The following ZC3H12B variants were observed in gnomAD, a reference collection of about 807,000 sequenced individuals.
The protein encoded by ZC3H12B is probable ribonuclease ZC3H12B.
Under a neutral mutation model 43.9 loss-of-function variants are expected in ZC3H12B, and 7 were observed. The ratio of observed to expected loss-of-function variants is 0.16; its 90% CI spans 0.09 to 0.30. ZC3H12B has a LOEUF of 0.30. Ranked by LOEUF, ZC3H12B falls within the 10% of genes least tolerant of loss-of-function variation. ZC3H12B has a pLI of 1.00. For missense variants in ZC3H12B, 475 were observed against 670.2 expected, an observed-to-expected ratio of 0.71 and a Z score of 3.22; for synonymous variants, 222 against 241.7, an observed-to-expected ratio of 0.92 and a Z score of 0.76.
At chrX:65,197,829 C>A in the ZC3H12B span, among the ~76,000 whole-genome samples, 8 of 112,121 alleles carry the variant, frequency 7.1e-5, no homozygotes, top group African/African-American at 2.6e-4. Context: ...GGCTCTGATT[C>A]TGGTCTTGGG....
chrX:65,436,568 C>CTT (rs749056170), intron 3 of ZC3H12B, among the ~76,000 whole-genome samples: 1 of 112,019 alleles, frequency 8.9e-6, no homozygotes, highest in Non-Finnish European at 1.9e-5. Context: ...TCTTAGTATG[C>CTT]TTTTACACTG....
At chrX:65,059,074 C>A in the ZC3H12B span, among the ~76,000 whole-genome samples, 3 of 111,548 alleles carry the variant, frequency 2.7e-5, no homozygotes, top group Non-Finnish European at 3.8e-5. Flanking sequence ...GTGCACTGCA[C>A]CCACTGTCCT....
chrX:65,355,484 C>A, the ZC3H12B span, among the ~76,000 whole-genome samples: 1 of 110,744 alleles, frequency 9.0e-6, no homozygotes, highest in South Asian at 3.9e-4. Context: ...TAATAATTAC[C>A]AAAATTCTGA....
chrX:65,162,910 G>C, the ZC3H12B span, among the ~76,000 whole-genome samples: 3 of 111,688 alleles, frequency 2.7e-5, no homozygotes, highest in Non-Finnish European at 5.6e-5. Flanking sequence ...ATCTACTTTT[G>C]TTCTTTGATG....
chrX:65,504,920 C>T (rs1192290696), exon 5 of ZC3H12B: 1 of 112,351 alleles, frequency 8.9e-6, no homozygotes, highest in Non-Finnish European at 1.9e-5. Flanking sequence ...TAATAGCTGG[C>T]TCAGTTACTC....
the ZC3H12B span, among the ~76,000 whole-genome samples, chrX:65,100,520 G>C: frequency 6.7e-5 from 5 of 74,209 alleles, no homozygotes; most frequent in East Asian, 2.5e-3. Flanking sequence ...ACATACATAG[G>C]CTCAAAATAA....
chrX:65,197,581 G>A, the ZC3H12B span, among the ~76,000 whole-genome samples: 1 of 111,883 alleles, frequency 8.9e-6, no homozygotes, highest in South Asian at 3.7e-4. Context: ...CCTAATTACA[G>A]GGTTATTCAT....
chrX:65,101,048 T>G, the ZC3H12B span, among the ~76,000 whole-genome samples: 1 of 111,944 alleles, frequency 8.9e-6, no homozygotes. Context: ...AAACAGTCTC[T>G]CAGACCACAG....
At chrX:65,138,506 A>G in the ZC3H12B span, among the ~76,000 whole-genome samples, 2 of 112,164 alleles carry the variant, frequency 1.8e-5, no homozygotes, top group Non-Finnish European at 3.8e-5. Flanking sequence ...TGTTTATTTC[A>G]TATTTATACT....
the ZC3H12B span, among the ~76,000 whole-genome samples, chrX:65,205,127 A>C: frequency 1.8e-5 from 2 of 112,193 alleles, no homozygotes; most frequent in African/African-American, 6.5e-5. Context: ...AGTTTTGATG[A>C]GTACTTATAG....
chrX:65,500,410 T>C (rs768308169), intron 4 of ZC3H12B, among the ~76,000 whole-genome samples: 15 of 112,350 alleles, frequency 1.3e-4, no homozygotes, highest in Non-Finnish European at 2.4e-4. Context: ...TTTAGATCTG[T>C]CCTTTCCAGT....
chrX:65,370,864 CAT>C (rs1169362610), intron 2 of ZC3H12B, among the ~76,000 whole-genome samples: 1 of 112,018 alleles, frequency 8.9e-6, no homozygotes, highest in Non-Finnish European at 1.9e-5. Context: ...CCAACAGGAC[CAT>C]TTAGGTAAGA....
chrX:65,322,876 T>G, the ZC3H12B span, among the ~76,000 whole-genome samples: 1 of 112,084 alleles, frequency 8.9e-6, no homozygotes, highest in African/African-American at 3.2e-5. Flanking sequence ...AAACACAGAA[T>G]AATTTTTCCA....
the ZC3H12B span, among the ~76,000 whole-genome samples, chrX:65,057,222 C>T: frequency 9.0e-6 from 1 of 111,537 alleles, no homozygotes; most frequent in Admixed American, 9.5e-5. Context: ...TGGCTGGTAC[C>T]GGTTGTTCCT....
the ZC3H12B span, among the ~76,000 whole-genome samples, chrX:65,062,989 G>C: frequency 1.8e-5 from 2 of 111,686 alleles, no homozygotes; most frequent in East Asian, 5.6e-4. Context: ...AGAAATGCTT[G>C]TGATTTTTGC....
At chrX:65,107,986 A>C in the ZC3H12B span, among the ~76,000 whole-genome samples, 3 of 111,837 alleles carry the variant, frequency 2.7e-5, no homozygotes, top group African/African-American at 9.7e-5. Context: ...AGGCAGTTGT[A>C]ACCCAAAGAC....
chrX:65,473,000 A>G (rs773100171), intron 3 of ZC3H12B, among the ~76,000 whole-genome samples: 896 of 78,591 alleles, frequency 0.011, 45 homozygotes, highest in African/African-American at 0.062. Context: ...ATATATATGT[A>G]TATATATATA....
chrX:65,361,941 C>G (rs747883644), upstream of ZC3H12B, among the ~76,000 whole-genome samples: 24 of 112,306 alleles, frequency 2.1e-4, no homozygotes, highest in Non-Finnish European at 4.1e-4. Flanking sequence ...ACATCTGAAC[C>G]GCAGCAGCCA....
At chrX:65,121,055 T>G in the ZC3H12B span, among the ~76,000 whole-genome samples, 1 of 111,408 alleles carries the variant, frequency 9.0e-6, no homozygotes, top group Admixed American at 9.6e-5. Context: ...TTTTTGCCAG[T>G]ATTTTATTGA....
Sources: gnomAD v4.1 joint callset for allele counts (sites outside exome capture counted in the v4.1 genomes callset) on GRCh38, gnomAD v4.1.1 for gene constraint, MANE v1.5 for transcripts, NCBI Gene and HGNC (gene_info 2026-07-23, HGNC 2026-07-21) for gene names.